TRIQK: variants seen among roughly 807,000 people sequenced by gnomAD.
The protein encoded by TRIQK is triple QxxK/R motif-containing protein.
In TRIQK, 10 loss-of-function variants were observed where a neutral mutation model predicts 10.8. That is an observed-to-expected ratio of 0.92 (90% CI 0.57 to 1.57). The LOEUF (loss-of-function observed/expected upper bound fraction) is 1.57, where lower values mean the gene tolerates loss of function less well. TRIQK is among the 40% of genes most tolerant of loss of function. The pLI, the probability that TRIQK is intolerant of heterozygous loss-of-function variation, is 0.00. For synonymous variants in TRIQK, 33 were observed against 33.7 expected (o/e 0.98, Z 0.07); for missense variants, 107 against 97.7 (o/e 1.09, Z -0.40).
At chr8:92,967,364 C>A (rs1017200890), upstream of TRIQK, among the ~76,000 whole-genome samples, 11 of 152,082 alleles carry the variant, frequency 7.2e-5, no homozygotes, top group African/African-American at 2.4e-4. Context: ...TACTGTGATG[C>A]AATTGTTGGA....
intron 1 of TRIQK, among the ~76,000 whole-genome samples, chr8:93,015,910 C>T (rs1013801088): frequency 2.6e-5 from 4 of 151,340 alleles, no homozygotes; most frequent in African/African-American, 9.8e-5. Context: ...CCACAAAACA[C>T]CTTGTGCATC....
intron 1 of TRIQK, among the ~76,000 whole-genome samples, chr8:92,989,701 A>G (rs1813076670): frequency 6.6e-6 from 1 of 152,218 alleles, no homozygotes; most frequent in Admixed American, 6.5e-5. Flanking sequence ...AATAGAAATA[A>G]AGTATACAAT....
chr8:92,978,761 T>C (rs1337772050), intron 1 of TRIQK, among the ~76,000 whole-genome samples: 5 of 152,118 alleles, frequency 3.3e-5, no homozygotes, highest in Non-Finnish European at 5.9e-5. Context: ...TTTTGCTTAC[T>C]CCTTATATTA....
Position 92,885,199 on chromosome 8 carries a change from A to G in TRIQK, c.*1423T>C, listed in dbSNP as rs908055504. ...AATGAAATAAATTATGCTACTTGAA[A>G]AAAATTCTACAGAACATAATGCTAC... is the stretch of plus-strand genomic sequence containing the variant. On this transcript the variant is annotated 3_prime_UTR_variant, in exon 5 of 5. Coordinates refer to ENST00000521988, the MANE Select transcript of TRIQK (RefSeq NM_001171797.2). 3.9e-5 allele frequency: 14 copies of G among 354,664 alleles called. No individual in the cohort carries two copies. The highest frequency in any genetic ancestry group is 1.1e-5 in the Non-Finnish European group (2 of 179,786). The allele number at this position is 354,664 out of a possible 1,614,324, so 22.0% of individuals were successfully genotyped here. A position where few individuals can be genotyped will look rare whatever the true frequency, so the allele number is the denominator to read the frequency against.
intron 3 of TRIQK, among the ~76,000 whole-genome samples, chr8:92,899,270 C>A (rs1034377655): frequency 6.6e-6 from 1 of 152,010 alleles, no homozygotes; most frequent in Non-Finnish European, 1.5e-5. Context: ...CAGGCATGAG[C>A]CACTGCACTT....
intron 1 of TRIQK, among the ~76,000 whole-genome samples, chr8:92,983,248 G>A (rs1813002772): frequency 6.6e-6 from 1 of 152,008 alleles, no homozygotes; most frequent in Admixed American, 6.6e-5. Context: ...AAGACACAAG[G>A]CAGAGGCAGA....
At chr8:92,991,957 G>A (rs1191442279) in intron 1 of TRIQK, among the ~76,000 whole-genome samples, 1 of 152,080 alleles carries the variant, frequency 6.6e-6, no homozygotes, top group Non-Finnish European at 1.5e-5. Context: ...GGGATGGGAA[G>A]GACCCCTTCA....
At chr8:92,916,533 TTTA>T (rs1809858410) in intron 3 of TRIQK, among the ~76,000 whole-genome samples, 1 of 152,054 alleles carries the variant, frequency 6.6e-6, no homozygotes, top group East Asian at 1.9e-4. Context: ...TTTAGCATAT[TTTA>T]CAGGAGAATT....
Position 92,883,650 on chromosome 8 carries a change from C to A in TRIQK, c.*2972G>T, listed in dbSNP as rs999953918. The A allele has an allele frequency of 2.0e-5, 3 of 151,620 alleles. No individual in the cohort carries two copies. Among genetic ancestry groups the A allele is most frequent in the African/African-American group, 7.3e-5 (3 of 41,334 alleles). 9.4% of individuals were successfully genotyped at this position (151,620 alleles called of 1,614,324 possible). On this transcript the variant is annotated 3_prime_UTR_variant, in exon 5 of 5. Transcript: ENST00000521988. ...AGGCATCAACTTAAATTTTAACATG[C>A]ATTTATTAAATTTATATGCAGATGA...
At chr8:92,989,868 A>G (rs1335862827) in intron 1 of TRIQK, among the ~76,000 whole-genome samples, 1 of 152,188 alleles carries the variant, frequency 6.6e-6, no homozygotes, top group Non-Finnish European at 1.5e-5. Flanking sequence ...GTATTGACAC[A>G]TTTGACTACG....
At chr8:92,888,156 A>G (rs1816580553) in intron 4 of TRIQK, among the ~76,000 whole-genome samples, 1 of 151,526 alleles carries the variant, frequency 6.6e-6, no homozygotes, top group Admixed American at 6.6e-5. Context: ...ACAACTGCAA[A>G]CTCCATCTGT....
intron 2 of TRIQK, among the ~76,000 whole-genome samples, chr8:92,934,859 G>C (rs1016766526): frequency 6.6e-6 from 1 of 151,664 alleles, no homozygotes; most frequent in African/African-American, 2.4e-5. Context: ...CATGGAAAAA[G>C]GTTAATGGAA....
At chr8:93,007,070 G>T (rs1457878990) in intron 1 of TRIQK, among the ~76,000 whole-genome samples, 2 of 152,192 alleles carry the variant, frequency 1.3e-5, no homozygotes, top group Non-Finnish European at 2.9e-5. Context: ...CCCAAGAGGG[G>T]TCACCAAACA....
intron 4 of TRIQK, among the ~76,000 whole-genome samples, chr8:92,891,306 C>A (rs1816750041): frequency 6.6e-6 from 1 of 151,896 alleles, no homozygotes; most frequent in Non-Finnish European, 1.5e-5. Flanking sequence ...ATGTACTGGT[C>A]ATTTTTATTT....
At chr8:92,979,941 A>G (rs149083556) in intron 1 of TRIQK, among the ~76,000 whole-genome samples, 4 of 152,204 alleles carry the variant, frequency 2.6e-5, no homozygotes, top group African/African-American at 7.2e-5. Context: ...TTAACTGTAT[A>G]TATCATTTTA....
At chr8:92,961,082 C>T (rs182607116) in intron 1 of TRIQK, among the ~76,000 whole-genome samples, 42 of 152,282 alleles carry the variant, frequency 2.8e-4, no homozygotes, top group South Asian at 1.0e-3. Flanking sequence ...CCTTCCTTAG[C>T]TTAAAATTAT....
chr8:92,987,378 A>G (rs1813045507), intron 1 of TRIQK, among the ~76,000 whole-genome samples: 1 of 152,212 alleles, frequency 6.6e-6, no homozygotes, highest in South Asian at 2.1e-4. Flanking sequence ...AAAACCAACT[A>G]AAAGGAGAAT....
intron 2 of TRIQK, among the ~76,000 whole-genome samples, chr8:92,935,076 C>T (rs1248688520): frequency 6.6e-6 from 1 of 151,728 alleles, no homozygotes; most frequent in Non-Finnish European, 1.5e-5. Context: ...CTTCCATCTC[C>T]TATTCCCTAA....
intron 2 of TRIQK, chr8:92,922,176 A>T (rs934187879): frequency 4.6e-5 from 7 of 151,796 alleles, no homozygotes; most frequent in Non-Finnish European, 1.0e-4. Flanking sequence ...CTAATTCTAT[A>T]GTCTTACTTC....
Sources: gnomAD v4.1 joint callset for allele counts (sites outside exome capture counted in the v4.1 genomes callset) on GRCh38, gnomAD v4.1.1 for gene constraint, MANE v1.5 for transcripts, NCBI Gene and HGNC (gene_info 2026-07-23, HGNC 2026-07-21) for gene names.